The following SLC7A2 variants were observed in gnomAD, a reference collection of about 807,000 sequenced individuals.
SLC7A2 encodes the protein cationic amino acid transporter 2.
A neutral mutation model predicts 58.9 loss-of-function variants in SLC7A2; 48 were observed. The ratio of observed to expected loss-of-function variants is 0.82; its 90% CI spans 0.65 to 1.04. The LOEUF is 1.04. Among genes scored for constraint, SLC7A2 ranks in the 50% least tolerant of loss-of-function variants. The pLI is 0.00. For missense variants in SLC7A2, 1,029 were observed against 818.8 expected, an observed-to-expected ratio of 1.26 and a Z score of -3.13; for synonymous variants, 363 against 314.5, an observed-to-expected ratio of 1.15 and a Z score of -1.63.
chr8:17,554,969 T>C lies in SLC7A2; in HGVS notation c.1195+270T>C, dbSNP rs147943341. The C allele has an allele frequency of 1.2e-5, 20 of 1,613,964 alleles. No homozygotes were observed. In the African/African-American group the frequency reaches 2.3e-4, roughly 18 times the overall value. On this transcript the variant is annotated intron_variant, in intron 8 of 12. Coordinates refer to ENST00000494857, the MANE Select transcript of SLC7A2 (RefSeq NM_001370338.1). ...AGTCTTCTGGGCTCTATGTTTCCTTTACCCCGAATTCTGTTTGCCATGGCC... is the reference window on the plus strand; with the variant it reads ...AGTCTTCTGGGCTCTATGTTTCCTTCACCCCGAATTCTGTTTGCCATGGCC...
At chr8:17,497,799 G>A (rs1009560782) in intron 1 of SLC7A2, among the ~76,000 whole-genome samples, 11 of 152,188 alleles carry the variant, frequency 7.2e-5, no homozygotes, top group Non-Finnish European at 1.0e-4. Context: ...CTTGGTGTTT[G>A]TATTGGGTAT....
At chr8:17,551,733 G>GCATA in intron 6 of SLC7A2, 31 bp from the exon 7 acceptor site, 2 of 1,459,682 alleles carry the variant, frequency 1.4e-6, no homozygotes, top group Non-Finnish European at 1.9e-6. Context: ...GTTTTATTAA[G>GCATA]CATACACATC....
chr8:17,511,802 A>G (rs1800615833), intron 2 of SLC7A2, among the ~76,000 whole-genome samples: 1 of 152,178 alleles, frequency 6.6e-6, no homozygotes, highest in African/African-American at 2.4e-5. Flanking sequence ...TCCATTTAAA[A>G]TTTAGACTCT....
rs540800277 is a variant in SLC7A2 at position 17,502,796 on chromosome 8, A to C, written c.-23+494A>C. On this transcript the variant is annotated intron_variant, in intron 2 of 12. Transcript: ENST00000494857. ...TTGTTCAATGGACCTCAGGTGCTCC[A>C]AATTCTTTAATCATAATTCTTCACG... Among the ~76,000 whole-genome samples the C allele has an allele frequency of 4.8e-4, 73 of 152,300 alleles. 3 individuals are homozygous for C. Among genetic ancestry groups the C allele is most frequent in the African/African-American group, 1.6e-3 (65 of 41,562 alleles).
chr8:17,529,046 A>C (rs188752262), intron 2 of SLC7A2, among the ~76,000 whole-genome samples: 1 of 152,322 alleles, frequency 6.6e-6, no homozygotes, highest in East Asian at 1.9e-4. Context: ...TGATGTTAAG[A>C]TTTCTAAAAT....
At chr8:17,506,911 A>G (rs970353784) in intron 2 of SLC7A2, among the ~76,000 whole-genome samples, 3 of 151,958 alleles carry the variant, frequency 2.0e-5, no homozygotes, top group Non-Finnish European at 2.9e-5. Flanking sequence ...GTGAAAACAA[A>G]TAATAATTAC....
At position 17,551,951 on chromosome 8, in the gene SLC7A2, C is replaced by G; in HGVS notation, c.1020C>G (p.Val340=). 1 of 1,614,044 alleles carries G rather than the reference C, an allele frequency of 6.2e-7. No individual in the cohort carries two copies. The highest frequency in any genetic ancestry group is 8.5e-7 in the Non-Finnish European group (1 of 1,180,022). Residue 340 remains valine (V), a synonymous_variant, in exon 7 of 13, where the codon GTC becomes GTG. Transcript: ENST00000494857. Reference sequence around the variant, plus strand: ...TGGGATGGGGTCCTGCCAAATATGTCGTCGCAGCTGGTTCTCTCTGCGCCT... The same window carrying G: ...TGGGATGGGGTCCTGCCAAATATGTGGTCGCAGCTGGTTCTCTCTGCGCCT... ...EYVGWGPAKY[V]VAAGSLCALS... is the part of the protein sequence containing the mutation.
chr8:17,540,881 C>T (rs1305457629), intron 2 of SLC7A2, among the ~76,000 whole-genome samples: 2 of 152,144 alleles, frequency 1.3e-5, no homozygotes, highest in African/African-American at 4.8e-5. Context: ...TGCTTCCTTC[C>T]AGATCCTTTC....
chr8:17,523,600 A>G (rs1801103332), intron 2 of SLC7A2, among the ~76,000 whole-genome samples: 1 of 151,674 alleles, frequency 6.6e-6, no homozygotes, highest in African/African-American at 2.4e-5. Context: ...CTCAACTTAT[A>G]CAAAAATTAG....
intron 2 of SLC7A2, among the ~76,000 whole-genome samples, chr8:17,514,262 T>G (rs1800714702): frequency 6.6e-6 from 1 of 151,554 alleles, no homozygotes; most frequent in African/African-American, 2.4e-5. Context: ...GAGGAATCAA[T>G]TAAAAAAAAA....
At position 17,550,300 on chromosome 8, in the gene SLC7A2, G is replaced by A; in HGVS notation, c.699-1G>A. Reference sequence around the variant, plus strand: ...TCCAATGTGTTTGTTCTCTTTCTTAGAGAGCCACCTTCTGAAAACGGAACA... The same window carrying A: ...TCCAATGTGTTTGTTCTCTTTCTTAAAGAGCCACCTTCTGAAAACGGAACA... On this transcript the variant is annotated splice_acceptor_variant, in intron 5 of 12. Coordinates refer to ENST00000494857, the MANE Select transcript of SLC7A2 (RefSeq NM_001370338.1). LOFTEE classifies it high-confidence loss of function. 1 of 1,613,488 alleles carries A rather than the reference G, an allele frequency of 6.2e-7. No homozygotes were observed. The highest frequency in any genetic ancestry group is 8.5e-7 in the Non-Finnish European group (1 of 1,179,804).
intron 8 of SLC7A2, chr8:17,554,917 T>C: frequency 6.2e-6 from 10 of 1,611,104 alleles, no homozygotes; most frequent in Middle Eastern, 1.7e-4. Flanking sequence ...AAATAACTCA[T>C]GTGTGGATTT....
chr8:17,513,002 T>C (rs1800666346), intron 2 of SLC7A2, among the ~76,000 whole-genome samples: 1 of 152,242 alleles, frequency 6.6e-6, no homozygotes, highest in South Asian at 2.1e-4. Flanking sequence ...TAGTCCATTG[T>C]ATGTATAAAG....
At chr8:17,554,812 A>G in intron 8 of SLC7A2, 113 bp downstream of exon 8, 1 of 1,449,546 alleles carries the variant, frequency 6.9e-7, no homozygotes, top group Non-Finnish European at 9.3e-7. Flanking sequence ...AAGTTCAGTC[A>G]CTTTTTTGTG....
At chr8:17,555,134 C>T (rs781191492) in intron 8 of SLC7A2, 50 of 1,565,356 alleles carry the variant, frequency 3.2e-5, no homozygotes, top group East Asian at 1.3e-4. Context: ...ACATTTAATT[C>T]GCATGCATGG....
chr8:17,542,420 G>A (rs1033358663), intron 2 of SLC7A2, among the ~76,000 whole-genome samples: 2 of 152,156 alleles, frequency 1.3e-5, no homozygotes, highest in Admixed American at 6.5e-5. Flanking sequence ...GGAGGCCAAG[G>A]AGGTAGGACT....
At chr8:17,556,620 T>G (rs1436135097) in intron 8 of SLC7A2, among the ~76,000 whole-genome samples, 1 of 151,816 alleles carries the variant, frequency 6.6e-6, no homozygotes, top group Non-Finnish European at 1.5e-5. Context: ...GAAGAATTTT[T>G]TTTTTTGAGA....
chr8:17,569,916 A>T lies in SLC7A2; in HGVS notation c.*4770A>T, dbSNP rs762552662. On this transcript the variant is annotated 3_prime_UTR_variant, in exon 13 of 13. Transcript: ENST00000494857. The stretch of plus-strand genomic sequence containing the variant: ...CTATAGAGTGTGAGCATCTATGTGT[A>T]GCTACCCTTGTTGGGTGGGCTCTTA... The T allele has an allele frequency of 6.6e-6, 1 of 152,204 alleles. No homozygotes were observed. The highest frequency in any genetic ancestry group is 1.5e-5 in the Non-Finnish European group (1 of 68,046). The allele number at this position is 152,204 out of a possible 1,614,324, so 9.4% of individuals were successfully genotyped here. A position where few individuals can be genotyped will look rare whatever the true frequency, so the allele number is the denominator to read the frequency against.
intron 9 of SLC7A2, among the ~76,000 whole-genome samples, chr8:17,559,575 A>AG (rs1031038089): frequency 6.6e-6 from 1 of 152,178 alleles, no homozygotes; most frequent in Non-Finnish European, 1.5e-5. Flanking sequence ...TCAAAAAAAA[A>AG]CATAACAAAA....
Sources: gnomAD v4.1 joint callset for allele counts (sites outside exome capture counted in the v4.1 genomes callset) on GRCh38, gnomAD v4.1.1 for gene constraint, MANE v1.5 for transcripts, NCBI Gene and HGNC (gene_info 2026-07-23, HGNC 2026-07-21) for gene names.